The following JAK2 variants were observed in gnomAD, a reference collection of about 807,000 sequenced individuals.
JAK2 encodes the protein tyrosine-protein kinase JAK2.
JAK2 carries 86 observed loss-of-function variants against 139.3 expected under a neutral mutation model. That is an observed-to-expected ratio of 0.62 (90% CI 0.52 to 0.74). The LOEUF (loss-of-function observed/expected upper bound fraction) is 0.74, where lower values mean the gene tolerates loss of function less well. Ranked by LOEUF, JAK2 falls within the 30% of genes least tolerant of loss-of-function variation. JAK2 has a pLI of 0.00. For synonymous variants in JAK2, 490 were observed against 437.7 expected (o/e 1.12, Z -1.49); for missense variants, 1,421 against 1,360.3 (o/e 1.04, Z -0.70).
At chr9:4,986,649 C>G (rs938373471) in intron 2 of JAK2, among the ~76,000 whole-genome samples, 1 of 152,134 alleles carries the variant, frequency 6.6e-6, no homozygotes. Context: ...GATTTTGTAT[C>G]CCTTCTCCAG....
At position 5,073,782 on chromosome 9, in the gene JAK2, G is replaced by A. The variant is rs1168791735; in HGVS notation, c.1861G>A (p.Glu621Lys). Residue 621 changes from glutamate (E) to lysine (K), a missense_variant, in exon 14 of 25, where the codon GAG (glutamate) becomes AAG (lysine). Coordinates refer to ENST00000381652, the MANE Select transcript of JAK2 (RefSeq NM_004972.4). ...LNYGVCVCGD[E>K]NILVQEFVKF... Reference sequence around the variant, plus strand: ...TTATGGAGTATGTGTCTGTGGAGACGAGAGTAAGTAAAACTACAGGCTTTC... The same window carrying A: ...TTATGGAGTATGTGTCTGTGGAGACAAGAGTAAGTAAAACTACAGGCTTTC... 21 of 1,595,826 alleles carry A rather than the reference G, an allele frequency of 1.3e-5. No individual in the cohort carries two copies. The highest frequency in any genetic ancestry group is 3.3e-5 in the Admixed American group (2 of 59,756).
chr9:5,104,177 A>G (rs559758985), intron 22 of JAK2, among the ~76,000 whole-genome samples: 3 of 152,184 alleles, frequency 2.0e-5, no homozygotes, highest in African/African-American at 4.8e-5. Context: ...CAAGACTAAT[A>G]AAGAAGAAAA....
chr9:5,002,222 C>T (rs911339243), intron 2 of JAK2, among the ~76,000 whole-genome samples: 6 of 151,456 alleles, frequency 4.0e-5, no homozygotes, highest in Non-Finnish European at 8.9e-5. Context: ...TTCTAGCTAC[C>T]TAGGAAGCTT....
chr9:5,044,073 G>A (rs1816819693), intron 4 of JAK2, among the ~76,000 whole-genome samples: 1 of 152,122 alleles, frequency 6.6e-6, no homozygotes, highest in Non-Finnish European at 1.5e-5. Flanking sequence ...TACCAAATTA[G>A]CATTTTCAGA....
chr9:5,012,597 A>G (rs1226982001), intron 2 of JAK2, among the ~76,000 whole-genome samples: 1 of 152,208 alleles, frequency 6.6e-6, no homozygotes, highest in Non-Finnish European at 1.5e-5. Flanking sequence ...TACCGTATGT[A>G]TAATAAAATA....
At position 4,985,531 on chromosome 9, in the gene JAK2, A is replaced by C. The variant is rs900682900; in HGVS notation, c.-208A>C. 9 of 152,414 alleles carry C rather than the reference A, an allele frequency of 5.9e-5. No homozygotes were observed. The highest frequency in any genetic ancestry group is 1.9e-4 in the African/African-American group (8 of 41,458). 9.4% of individuals were successfully genotyped at this position (152,414 alleles called of 1,614,324 possible). A position where few individuals can be genotyped will look rare whatever the true frequency, so the allele number is the denominator to read the frequency against. On this transcript the variant is annotated 5_prime_UTR_variant, in exon 1 of 25. Coordinates refer to ENST00000381652, the MANE Select transcript of JAK2 (RefSeq NM_004972.4). ...AGGGCCCAGCCTGGAGGTCGTTCAG[A>C]GCCGTGCCCGTCCCGGGGCTTCGCA...
intron 19 of JAK2, among the ~76,000 whole-genome samples, chr9:5,087,421 T>A (rs532400745): frequency 6.6e-6 from 1 of 152,136 alleles, no homozygotes; most frequent in Non-Finnish European, 1.5e-5. Context: ...GTGGGGATTA[T>A]GGGGTTTACA....
At chr9:5,114,547 C>A in intron 22 of JAK2, 1 of 479,946 alleles carries the variant, frequency 2.1e-6, no homozygotes, top group Non-Finnish European at 4.1e-6. Flanking sequence ...GACAAGCGCA[C>A]CCTCACCTGC....
At chr9:5,089,009 T>C (rs1820347960) in intron 19 of JAK2, among the ~76,000 whole-genome samples, 1 of 152,180 alleles carries the variant, frequency 6.6e-6, no homozygotes, top group Admixed American at 6.5e-5. Context: ...GCAAAAGGTA[T>C]TTTGTAAAAA....
intron 10 of JAK2, among the ~76,000 whole-genome samples, chr9:5,068,122 T>C (rs1453040173): frequency 6.8e-6 from 1 of 147,620 alleles, no homozygotes; most frequent in Non-Finnish European, 1.5e-5. Context: ...ATTGTGCCAC[T>C]GCACTCCAGC....
intron 4 of JAK2, among the ~76,000 whole-genome samples, chr9:5,042,341 G>T (rs1303557069): frequency 6.6e-6 from 1 of 151,326 alleles, no homozygotes; most frequent in Non-Finnish European, 1.5e-5. Context: ...GTTTCACCTT[G>T]TTAGCCAGGA....
At chr9:5,105,348 A>G (rs1252612637) in intron 22 of JAK2, among the ~76,000 whole-genome samples, 2 of 152,228 alleles carry the variant, frequency 1.3e-5, no homozygotes, top group African/African-American at 4.8e-5. Context: ...CCAACTTACA[A>G]GAGATGCGAA....
At chr9:5,061,117 C>G (rs1361330922) in intron 8 of JAK2, among the ~76,000 whole-genome samples, 2 of 152,202 alleles carry the variant, frequency 1.3e-5, no homozygotes, top group East Asian at 3.8e-4. Flanking sequence ...GTGCTGTCAT[C>G]CAAGCCTTGT....
Position 5,102,030 on chromosome 9 carries a change from G to A in JAK2, c.3059+11119G>A, listed in dbSNP as rs913048325. Among the ~76,000 whole-genome samples, 3 of 152,100 alleles carry A rather than the reference G, an allele frequency of 2.0e-5. No homozygotes were observed. In the East Asian group the frequency reaches 5.8e-4, roughly 29 times the overall value. On this transcript the variant is annotated intron_variant, in intron 22 of 24. Transcript: ENST00000381652. ...ATTGCAGCTCCTTGCCAGCTGGATG[G>A]AGAATGACTTTGACGAGCTGACAGA...
At chr9:5,033,155 GATGAA>G (rs925475175) in intron 4 of JAK2, among the ~76,000 whole-genome samples, 1 of 152,210 alleles carries the variant, frequency 6.6e-6, no homozygotes, top group Non-Finnish European at 1.5e-5. Flanking sequence ...AGAGATGGAA[GATGAA>G]ATGAATGAAA....
intron 22 of JAK2, among the ~76,000 whole-genome samples, chr9:5,107,519 T>G (rs1822062309): frequency 6.6e-6 from 1 of 152,290 alleles, no homozygotes; most frequent in East Asian, 1.9e-4. Flanking sequence ...ATCATTTTAA[T>G]CCTAGGCTTA....
At chr9:5,076,716 T>C (rs954958956) in intron 14 of JAK2, among the ~76,000 whole-genome samples, 2 of 152,102 alleles carry the variant, frequency 1.3e-5, no homozygotes, top group Admixed American at 1.3e-4. Context: ...TTCAAGAAAA[T>C]TGTTTATATA....
intron 22 of JAK2, among the ~76,000 whole-genome samples, chr9:5,096,202 C>G (rs1820972773): frequency 1.3e-5 from 2 of 152,114 alleles, no homozygotes; most frequent in Non-Finnish European, 2.9e-5. Context: ...ATTACTCCTC[C>G]CTCCACTTAT....
chr9:5,082,557 T>C (rs752901149), intron 19 of JAK2, among the ~76,000 whole-genome samples: 1 of 152,226 alleles, frequency 6.6e-6, no homozygotes, highest in Non-Finnish European at 1.5e-5. Context: ...CTTCCTCTTT[T>C]ACTAATCCTC....
Sources: gnomAD v4.1 joint callset for allele counts (sites outside exome capture counted in the v4.1 genomes callset) on GRCh38, gnomAD v4.1.1 for gene constraint, MANE v1.5 for transcripts, NCBI Gene and HGNC (gene_info 2026-07-23, HGNC 2026-07-21) for gene names.